The following BPIFC variants were observed in gnomAD, a reference collection of about 807,000 sequenced individuals.
The protein encoded by BPIFC is BPI fold-containing family C protein.
A neutral mutation model predicts 57.6 loss-of-function variants in BPIFC; 60 were observed. The ratio of observed to expected loss-of-function variants is 1.04; its 90% CI spans 0.85 to 1.29. The LOEUF is 1.29. Among genes scored for constraint, BPIFC ranks in the 50% most tolerant of loss-of-function variants. BPIFC has a pLI of 0.00. For missense variants in BPIFC, 581 were observed against 600.5 expected, an observed-to-expected ratio of 0.97 and a Z score of 0.34; for synonymous variants, 243 against 224.5, an observed-to-expected ratio of 1.08 and a Z score of -0.74.
intron 16 of BPIFC, among the ~76,000 whole-genome samples, chr22:32,414,730 T>G (rs950464366): frequency 1.2e-4 from 19 of 152,184 alleles, no homozygotes; most frequent in South Asian, 6.2e-4. Flanking sequence ...GCCAGGCTGG[T>G]CTCGAACTCC....
intron 1 of BPIFC, among the ~76,000 whole-genome samples, 153 bp from the exon 2 acceptor site, chr22:32,461,814 G>A (rs578091198): frequency 6.6e-6 from 1 of 152,172 alleles, no homozygotes; most frequent in Non-Finnish European, 1.5e-5. Context: ...TAATATCACT[G>A]CCGGCTAAAA....
chr22:32,418,896 A>AC (rs1016290794), intron 14 of BPIFC, among the ~76,000 whole-genome samples: 20 of 151,820 alleles, frequency 1.3e-4, no homozygotes, highest in African/African-American at 4.8e-4. Flanking sequence ...AAGGCTGGGA[A>AC]CCCCCCTCCC....
At chr22:32,462,883 T>C (rs185199050) in intron 1 of BPIFC, among the ~76,000 whole-genome samples, 2 of 152,348 alleles carry the variant, frequency 1.3e-5, no homozygotes, top group South Asian at 2.1e-4. Context: ...CTAGGGTACA[T>C]GTGCACAGAA....
chr22:32,441,433 G>A lies in BPIFC; in HGVS notation c.655+1238C>T, dbSNP rs918837228. Among the ~76,000 whole-genome samples, 12 of 152,234 alleles carry A rather than the reference G, an allele frequency of 7.9e-5. No individual in the cohort carries two copies. In the South Asian group the frequency reaches 1.4e-3, roughly 18 times the overall value. ...TGACGGCAGGTATGTCTGTTGCCTG[G>A]GAATACTGCTGCATCCCCAGCACCA... On this transcript the variant is annotated intron_variant, in intron 8 of 16. Transcript: ENST00000300399.
In BPIFC at chr22:32,435,550, C is replaced by G. The variant is rs111330819; in HGVS notation, c.924+154G>C. On this transcript the variant is annotated intron_variant, in intron 10 of 16. Coordinates refer to ENST00000300399, the MANE Select transcript of BPIFC (RefSeq NM_174932.3). ...GATGCTCAACCCGTAACAATGTTCA[C>G]TCCACAATTCCCTCATTCCTTCACT... Among the ~76,000 whole-genome samples, 1,293 of 152,272 alleles carry G rather than the reference C, an allele frequency of 8.5e-3. 21 individuals are homozygous for G. The highest frequency in any genetic ancestry group is 0.03 in the African/African-American group (1,236 of 41,544).
rs1378831846 is a variant in BPIFC, at chr22:32,437,810, G to C, written c.697C>G (p.Leu233Val). The change falls in exon 9 of 17, where the codon CTA becomes GTA. Residue 233 changes from leucine (L) to valine (V), a missense_variant. Physicochemically the swap from Leu to Val is conservative, Grantham distance 32 (BLOSUM62 1). Coordinates refer to ENST00000300399, the MANE Select transcript of BPIFC (RefSeq NM_174932.3). Reference protein sequence around the residue: ...IDNYTLLDYSLISSPEITENY... With the variant: ...IDNYTLLDYSVISSPEITENY... ...TCAGTAATTTCTGGAGAACTGATTA[G>C]GGAGTAATCCAGCAGAGTGTAGTTG... 6.2e-7 allele frequency: 1 copy of C among 1,612,548 alleles called. No homozygotes were observed. The highest frequency in any genetic ancestry group is 8.5e-7 in the Non-Finnish European group (1 of 1,178,674).
At chr22:32,462,989 C>A (rs1236248084) in intron 1 of BPIFC, among the ~76,000 whole-genome samples, 1 of 152,144 alleles carries the variant, frequency 6.6e-6, no homozygotes, top group Admixed American at 6.5e-5. Context: ...TTGGACACAA[C>A]TGGAGTTTTA....
At chr22:32,415,149 A>G (rs1933633925) in intron 16 of BPIFC, among the ~76,000 whole-genome samples, 1 of 152,234 alleles carries the variant, frequency 6.6e-6, no homozygotes, top group Admixed American at 6.5e-5. Context: ...TTGCACAGGC[A>G]GTTCACAATA....
rs575215066 is a variant in BPIFC, at chr22:32,458,343, G to A, written c.1-957C>T. On this transcript the variant is annotated intron_variant, in intron 2 of 16. Transcript: ENST00000300399. The stretch of plus-strand genomic sequence containing the variant: ...TGGCATAGTCTTCCTCAAAGAACCC[G>A]GTCTTGCACTTCTTCAGATAACTCA... Among the ~76,000 whole-genome samples, 5 of 152,224 alleles carry A rather than the reference G, an allele frequency of 3.3e-5. No homozygotes were observed. The East Asian group carries it at 5.8e-4, about 18-fold the overall frequency.
intron 7 of BPIFC, among the ~76,000 whole-genome samples, chr22:32,444,296 A>G (rs1461643618): frequency 6.6e-6 from 1 of 152,094 alleles, no homozygotes; most frequent in Non-Finnish European, 1.5e-5. Flanking sequence ...GTAAGGATGG[A>G]GAAGGACTAT....
At position 32,433,763 on chromosome 22, in the gene BPIFC, G is replaced by T. The variant is rs759756200; in HGVS notation, c.934C>A (p.His312Asn). Residue 312 changes from histidine to asparagine, a missense_variant, in exon 11 of 17, where the codon CAT (histidine) becomes AAT (asparagine). By Grantham distance (68) the His-to-Asn change is moderately conservative (BLOSUM62 1). Transcript: ENST00000300399. ...AGGCCTTGAGAGTTTTGAACAAAAT[G>T]GTTGGAAATCTGGAAAATAAAGCCC... ...VTLSTEEISN[H>N]FVQNSQGLGN... 5.0e-6 allele frequency: 8 copies of T among 1,613,716 alleles called. No individual in the cohort carries two copies. The highest frequency in any genetic ancestry group is 6.8e-6 in the Non-Finnish European group (8 of 1,179,812).
At chr22:32,444,421 G>T (rs1445010486) in intron 7 of BPIFC, among the ~76,000 whole-genome samples, 1 of 152,116 alleles carries the variant, frequency 6.6e-6, no homozygotes, top group Non-Finnish European at 1.5e-5. Flanking sequence ...GTCAAGCACC[G>T]AGCTGAGCAC....
intron 13 of BPIFC, among the ~76,000 whole-genome samples, chr22:32,426,891 GAA>G (rs71694756): frequency 1.0e-5 from 1 of 96,940 alleles, no homozygotes; most frequent in Admixed American, 1.0e-4. Context: ...GACTCTGTCT[GAA>G]AAAAAAAAAA....
chr22:32,436,622 C>T (rs1934410879), intron 9 of BPIFC, among the ~76,000 whole-genome samples: 1 of 152,162 alleles, frequency 6.6e-6, no homozygotes, highest in African/African-American at 2.4e-5. Context: ...CAGGGTGTAA[C>T]CCAATGAGAA....
rs553739107 is a variant in BPIFC at position 32,445,690 on chromosome 22, T to C, written c.539A>G (p.Tyr180Cys). The C allele has an allele frequency of 2.7e-5, 20 of 727,640 alleles. 1 individual carries two copies. The East Asian group carries it at 5.1e-4, about 19-fold the overall frequency. The allele number at this position is 727,640 out of a possible 1,614,324, so 45.1% of individuals were successfully genotyped here. A position where few individuals can be genotyped will look rare whatever the true frequency, so the allele number is the denominator to read the frequency against. ...CTCCATGGGCTCAGCAAAGGAGTTA[T>C]ACAGAACACTGAGGAAAAAAATGAA... ...VSFSGELSVL[Y>C]NSFAEPMEKP... Residue 180 changes from tyrosine to cysteine, a missense_variant, in exon 7 of 17, where the codon TAT becomes TGT. Transcript: ENST00000300399.
chr22:32,447,473 G>C (rs1934762791), intron 4 of BPIFC, 133 bp from the exon 5 acceptor site: 2 of 1,067,538 alleles, frequency 1.9e-6, no homozygotes, highest in Admixed American at 6.4e-5. Context: ...AGAACCTCCT[G>C]TCTGCAAGGC....
chr22:32,426,056 T>C (rs576693406), intron 13 of BPIFC, among the ~76,000 whole-genome samples: 8 of 152,298 alleles, frequency 5.3e-5, no homozygotes, highest in African/African-American at 1.9e-4. Flanking sequence ...CTACAGTCTG[T>C]CTAGACCACC....
chr22:32,445,408 G>T (rs1934691959), intron 7 of BPIFC, among the ~76,000 whole-genome samples: 1 of 152,008 alleles, frequency 6.6e-6, no homozygotes, highest in Non-Finnish European at 1.5e-5. Flanking sequence ...ATGGTGGCGG[G>T]CACCTGTAGT....
intron 3 of BPIFC, 67 bp from the exon 4 acceptor site, chr22:32,453,570 C>T (rs1040428871): frequency 4.1e-6 from 6 of 1,474,914 alleles, no homozygotes; most frequent in African/African-American, 2.9e-5. Context: ...TAACATTAAC[C>T]ACACAAATAC....
Sources: allele counts gnomAD v4.1 joint callset (sites outside exome capture counted in the v4.1 genomes callset), GRCh38; gene constraint gnomAD v4.1.1; transcripts MANE v1.5; gene names NCBI Gene and HGNC (gene_info 2026-07-23, HGNC 2026-07-21).